CDH23: variants seen among roughly 807,000 people sequenced by gnomAD.
CDH23 encodes cadherin related 23, also known as cadherin-23.
A neutral mutation model predicts 317.1 loss-of-function variants in CDH23; 189 were observed. The observed-to-expected ratio is 0.60, with a 90% confidence interval of 0.53 to 0.67. The LOEUF is 0.67. Among genes scored for constraint, CDH23 ranks in the 30% least tolerant of loss-of-function variants. The pLI, the probability that CDH23 is intolerant of heterozygous loss-of-function variation, is 0.00. For missense variants in CDH23, 4,401 were observed against 4,592.4 expected, an observed-to-expected ratio of 0.96 and a Z score of 1.20; for synonymous variants, 1,839 against 1,876.8, an observed-to-expected ratio of 0.98 and a Z score of 0.52.
intron 9 of CDH23, among the ~76,000 whole-genome samples, chr10:71,583,198 G>A (rs1197945207): frequency 6.7e-6 from 1 of 149,896 alleles, no homozygotes; most frequent in African/African-American, 2.5e-5. Context: ...CCACATTCAT[G>A]CATCTGCAGT....
Position 71,797,171 on chromosome 10 carries a change from G to A in CDH23, c.6780G>A (p.Val2260=), listed in dbSNP as rs1236347532. 9.9e-6 allele frequency: 16 copies of A among 1,613,558 alleles called. No homozygotes were observed. Among genetic ancestry groups the A allele is most frequent in the African/African-American group, 2.7e-5 (2 of 74,926 alleles). ...LVATYEVTLS[V]IDNASDLPER... ...CCACCTATGAGGTCACTCTCTCAGT[G>A]ATTGACAATGCCAGCGACCTACCAG... is the stretch of plus-strand genomic sequence containing the variant. Residue 2260 remains valine (V), a synonymous_variant, in exon 49 of 70, where the codon GTG becomes GTA. Coordinates refer to ENST00000224721, the MANE Select transcript of CDH23 (RefSeq NM_022124.6).
chr10:71,684,151 A>G (rs751934527), intron 18 of CDH23, among the ~76,000 whole-genome samples: 1 of 151,258 alleles, frequency 6.6e-6, no homozygotes, highest in Non-Finnish European at 1.5e-5. Context: ...CCTCCCACCT[A>G]GAAACACCGA....
intron 14 of CDH23, among the ~76,000 whole-genome samples, chr10:71,662,936 T>C (rs1863739380): frequency 2.0e-5 from 3 of 152,208 alleles, no homozygotes; most frequent in Non-Finnish European, 4.4e-5. Context: ...TTTCCCAGCT[T>C]CTGGAGGCTC....
intron 6 of CDH23, among the ~76,000 whole-genome samples, chr10:71,532,705 GT>G (rs1564636223): frequency 1.7e-5 from 1 of 59,696 alleles, no homozygotes; most frequent in Non-Finnish European, 3.4e-5. Flanking sequence ...GTTTTCTTTT[GT>G]TTTTGTTTTT....
At chr10:71,718,768 A>G (rs1866410557) in intron 28 of CDH23, among the ~76,000 whole-genome samples, 1 of 152,186 alleles carries the variant, frequency 6.6e-6, no homozygotes, top group Non-Finnish European at 1.5e-5. Context: ...ACCTGCTTTA[A>G]TTTAAAAAAT....
chr10:71,805,783 C>G (rs369693511), intron 55 of CDH23, 23 bp from the exon 56 acceptor site: 5 of 1,599,732 alleles, frequency 3.1e-6, no homozygotes, highest in Non-Finnish European at 4.3e-6. Flanking sequence ...GTCCAGGAGC[C>G]TTCCTCCCCA....
At chr10:71,448,307 CTTGA>C (rs1259455652) in intron 3 of CDH23, among the ~76,000 whole-genome samples, 1 of 152,244 alleles carries the variant, frequency 6.6e-6, no homozygotes, top group African/African-American at 2.4e-5. Context: ...AGCTCTGGCT[CTTGA>C]TTGTCTTTTG....
At chr10:71,576,220 C>A (rs892241240) in intron 8 of CDH23, among the ~76,000 whole-genome samples, 1 of 152,208 alleles carries the variant, frequency 6.6e-6, no homozygotes, top group South Asian at 2.1e-4. Context: ...CCTGGCCTAG[C>A]CCTGCTCTGC....
At chr10:71,538,516 A>G (rs1855824612) in intron 6 of CDH23, among the ~76,000 whole-genome samples, 1 of 152,076 alleles carries the variant, frequency 6.6e-6, no homozygotes, top group South Asian at 2.1e-4. Flanking sequence ...GCCAAAAGCC[A>G]TTTCTCTTCC....
At chr10:71,581,591 G>C (rs752734449) in intron 9 of CDH23, among the ~76,000 whole-genome samples, 1 of 152,226 alleles carries the variant, frequency 6.6e-6, no homozygotes, top group Non-Finnish European at 1.5e-5. Flanking sequence ...AGAACAAAGA[G>C]GCCTTCAGCA....
At chr10:71,795,668 A>T in intron 48 of CDH23, 2 of 453,968 alleles carry the variant, frequency 4.4e-6, no homozygotes, top group Non-Finnish European at 5.8e-6. Context: ...TTTCCTTCCC[A>T]GTGCCTCTTC....
rs977964976 is a variant in CDH23 at position 71,398,525 on chromosome 10, G to C, written c.-6+1207G>C. 4.0e-5 allele frequency among the ~76,000 whole-genome samples: 6 copies of C among 151,740 alleles called. No homozygotes were observed. In the South Asian group the frequency reaches 8.3e-4, roughly 21 times the overall value. The stretch of plus-strand genomic sequence containing the variant: ...AGGGAAGAATTAGGTTGTGGGGTGT[G>C]GGGTGGGGCGGGCTTTAAGAACCTA... On this transcript the variant is annotated intron_variant, in intron 1 of 69. Transcript: ENST00000224721.
chr10:71,578,034 C>T (rs1288665510), intron 9 of CDH23, 42 bp downstream of exon 9: 1 of 1,541,416 alleles, frequency 6.5e-7, no homozygotes, highest in African/African-American at 1.4e-5. Flanking sequence ...ACCCCTCTGT[C>T]CTCCACCCAA....
intron 3 of CDH23, among the ~76,000 whole-genome samples, chr10:71,495,810 GAAAA>G (rs79249505): frequency 7.8e-6 from 1 of 128,394 alleles, no homozygotes; most frequent in Non-Finnish European, 1.7e-5. Flanking sequence ...AGAGGTTTTG[GAAAA>G]AAAAAAAAAG....
chr10:71,549,817 C>G (rs1856482802), intron 6 of CDH23, among the ~76,000 whole-genome samples: 2 of 152,188 alleles, frequency 1.3e-5, no homozygotes, highest in African/African-American at 4.8e-5. Flanking sequence ...CTTCAAGGCA[C>G]TAGAGGGTGT....
At chr10:71,422,593 C>A (rs929689388) in intron 1 of CDH23, among the ~76,000 whole-genome samples, 2 of 152,232 alleles carry the variant, frequency 1.3e-5, no homozygotes, top group Non-Finnish European at 2.9e-5. Flanking sequence ...CTCTAGATTT[C>A]TGTCACTGGT....
At chr10:71,750,963 G>A (rs1839983415) in intron 38 of CDH23, 2 of 392,914 alleles carry the variant, frequency 5.1e-6, no homozygotes, top group Admixed American at 8.7e-5. Context: ...GACGTTCTGA[G>A]ACTTCTTAAG....
intron 38 of CDH23, among the ~76,000 whole-genome samples, chr10:71,757,898 G>A (rs1840191666): frequency 6.6e-6 from 1 of 152,204 alleles, no homozygotes; most frequent in African/African-American, 2.4e-5. Context: ...TGAGCTCACT[G>A]AGAAACCACA....
At position 71,809,930 on chromosome 10, in the gene CDH23, A is replaced by G. The variant is rs1221196157; in HGVS notation, c.8833A>G (p.Ile2945Val). Residue 2945 changes from isoleucine (I) to valine (V), a missense_variant, in exon 61 of 70, where the codon ATC (isoleucine) becomes GTC (valine). This residue lies in a region of CDH23 where 1,144 missense variants were observed against 1,138.2 expected (regional missense o/e 1.01). Coordinates refer to ENST00000224721, the MANE Select transcript of CDH23 (RefSeq NM_022124.6). ...CCTGGCAGGCCACAACGACACGGCC[A>G]TCATCGGCATCTACATCCTGAGGGA... ...RDLAGHNDTAIIGIYILRDDQ... is the reference protein window; with the variant it reads ...RDLAGHNDTAVIGIYILRDDQ... 3.7e-6 allele frequency: 6 copies of G among 1,612,904 alleles called. No individual in the cohort carries two copies. The highest frequency in any genetic ancestry group is 1.7e-5 in the Admixed American group (1 of 60,026).
Sources: allele counts gnomAD v4.1 joint callset (sites outside exome capture counted in the v4.1 genomes callset), GRCh38; gene constraint gnomAD v4.1.1; regional missense constraint gnomAD v4.1.1; transcripts MANE v1.5; gene names NCBI Gene and HGNC (gene_info 2026-07-23, HGNC 2026-07-21).